Variants in XKR7 observed in about 807,000 individuals in gnomAD.
XKR7 encodes XK related 7.
XKR7 carries 11 observed loss-of-function variants against 42.2 expected under a neutral mutation model. The observed-to-expected ratio is 0.26, with a 90% CI of 0.16 to 0.43. The LOEUF is 0.43. Ranked by LOEUF, XKR7 falls within the 20% of genes least tolerant of loss-of-function variation. The pLI, the probability that XKR7 is intolerant of heterozygous loss-of-function variation, is 1.00. For missense variants in XKR7, 710 were observed against 802.2 expected, an observed-to-expected ratio of 0.89 and a Z score of 1.39; for synonymous variants, 346 against 366.4, an observed-to-expected ratio of 0.94 and a Z score of 0.64.
chr20:31,980,843 C>G (rs1202888419), intron 1 of XKR7, among the ~76,000 whole-genome samples: 7 of 151,704 alleles, frequency 4.6e-5, no homozygotes, highest in Non-Finnish European at 8.8e-5. Context: ...AGGAGAATTG[C>G]CTGAGCTCAG....
At chr20:31,988,285 C>T (rs1333104061) in intron 1 of XKR7, among the ~76,000 whole-genome samples, 1 of 152,142 alleles carries the variant, frequency 6.6e-6, no homozygotes, top group South Asian at 2.1e-4. Flanking sequence ...TAGAGAGCAG[C>T]CCCCAAACTC....
At position 31,996,875 on chromosome 20, in the gene XKR7, C is replaced by T. The variant is rs2064595156; in HGVS notation, c.1158C>T (p.Leu386=). The part of the protein sequence containing the change: ...KEGRSRRRMT[L]YHCIVLLENA... The stretch of plus-strand genomic sequence containing the variant: ...GCCGCAGCCGCCGCCGCATGACCCT[C>T]TACCACTGCATCGTCCTGCTGGAGA... Residue 386 remains leucine (L), a synonymous_variant, in exon 3 of 3, where the codon CTC becomes CTT. Transcript: ENST00000562532. 13 of 1,613,800 alleles carry T rather than the reference C, an allele frequency of 8.1e-6. No individual in the cohort carries two copies. Among genetic ancestry groups the T allele is most frequent in the Admixed American group, 1.7e-5 (1 of 60,014 alleles).
At chr20:31,989,278 C>G (rs1055195823) in intron 1 of XKR7, among the ~76,000 whole-genome samples, 9 of 117,942 alleles carry the variant, frequency 7.6e-5, no homozygotes, top group Non-Finnish European at 1.7e-4. Flanking sequence ...TTAGGACACC[C>G]CCCCCCCAGC....
intron 1 of XKR7, among the ~76,000 whole-genome samples, chr20:31,990,735 A>C (rs2064566740): frequency 6.6e-6 from 1 of 152,016 alleles, no homozygotes; most frequent in African/African-American, 2.4e-5. Flanking sequence ...TTAAACATTT[A>C]TTAATTTTGA....
chr20:31,976,605 G>A lies in XKR7; in HGVS notation c.584+7846G>A, dbSNP rs919123920. ...TCACCATATTGGCCAGACTGGTCTC[G>A]AACTTCTGACCTCAGGCGATCCACC... On this transcript the variant is annotated intron_variant, in intron 1 of 2. Transcript: ENST00000562532. Among the ~76,000 whole-genome samples, 14 of 152,142 alleles carry A rather than the reference G, an allele frequency of 9.2e-5. No homozygotes were observed. The East Asian group carries it at 2.5e-3, about 27-fold the overall frequency.
chr20:31,983,481 G>A (rs909353525), intron 1 of XKR7, among the ~76,000 whole-genome samples: 2 of 152,192 alleles, frequency 1.3e-5, no homozygotes, highest in Admixed American at 6.5e-5. Context: ...AGTTTGACAG[G>A]CGTTAGTGAG....
chr20:31,968,907 T>C lies in XKR7; in HGVS notation c.584+148T>C, dbSNP rs1345538337. 10 of 1,330,746 alleles carry C rather than the reference T, an allele frequency of 7.5e-6. No homozygotes were observed. Among genetic ancestry groups the C allele is most frequent in the South Asian group, 1.6e-5 (1 of 62,780 alleles). 82.4% of individuals were successfully genotyped at this position (1,330,746 alleles called of 1,614,324 possible). ...CCACCCCATTGCAGCTCTAATTTCT[T>C]CTCAGTCGGCTTCTCCCTGACCTCT... On this transcript the variant is annotated intron_variant, in intron 1 of 2. Coordinates refer to ENST00000562532, the MANE Select transcript of XKR7 (RefSeq NM_001011718.2). The surrounding 1 kb of genome is among the most constrained non-coding windows in gnomAD (Gnocchi z 4.5).
chr20:31,969,853 T>C (rs2064456318), intron 1 of XKR7, among the ~76,000 whole-genome samples: 1 of 152,134 alleles, frequency 6.6e-6, no homozygotes, highest in Admixed American at 6.5e-5. Flanking sequence ...ACTCTAGAGA[T>C]ATAAAGGGTG....
rs557363863 is a variant in XKR7 at position 31,998,183 on chromosome 20, G to T, written c.*726G>T. 6.6e-6 allele frequency: 1 copy of T among 152,084 alleles called. No individual in the cohort carries two copies. The highest frequency in any genetic ancestry group is 6.5e-5 in the Admixed American group (1 of 15,276). 9.4% of individuals were successfully genotyped at this position (152,084 alleles called of 1,614,324 possible). Reference sequence around the variant, plus strand: ...GCGAACAAGAATGAACTCCTTAGGAGACGTCTCTTGTTGTGTTGTGGGCTC... The same window carrying T: ...GCGAACAAGAATGAACTCCTTAGGATACGTCTCTTGTTGTGTTGTGGGCTC... On this transcript the variant is annotated 3_prime_UTR_variant, in exon 3 of 3. Coordinates refer to ENST00000562532, the MANE Select transcript of XKR7 (RefSeq NM_001011718.2).
intron 1 of XKR7, among the ~76,000 whole-genome samples, chr20:31,983,513 T>C (rs1408336026): frequency 6.6e-6 from 1 of 152,050 alleles, no homozygotes; most frequent in African/African-American, 2.4e-5. Flanking sequence ...GCAGAGGCCC[T>C]GGGGTTGGAG....
intron 1 of XKR7, among the ~76,000 whole-genome samples, chr20:31,994,098 C>T (rs114522251): frequency 6.6e-6 from 1 of 152,150 alleles, no homozygotes; most frequent in Non-Finnish European, 1.5e-5. Flanking sequence ...TCTGTGAGCA[C>T]CTTCCTTGCA....
In XKR7 at chr20:31,998,338, T is replaced by C. The variant is rs1342228628; in HGVS notation, c.*881T>C. 6.6e-6 allele frequency: 1 copy of C among 152,064 alleles called. No homozygotes were observed. 9.4% of individuals were successfully genotyped at this position (152,064 alleles called of 1,614,324 possible). A position where few individuals can be genotyped will look rare whatever the true frequency, so the allele number is the denominator to read the frequency against. Reference sequence around the variant, plus strand: ...ACAGCAGATAAGATGTCTGGAAAGATCTCTGGGCTCAAGTGCAGGTGAGGT... The same window carrying C: ...ACAGCAGATAAGATGTCTGGAAAGACCTCTGGGCTCAAGTGCAGGTGAGGT... On this transcript the variant is annotated 3_prime_UTR_variant, in exon 3 of 3. Transcript: ENST00000562532.
chr20:31,988,326 G>A (rs770441102), intron 1 of XKR7, among the ~76,000 whole-genome samples: 83 of 152,292 alleles, frequency 5.5e-4, no homozygotes, highest in Non-Finnish European at 7.9e-4. Flanking sequence ...GAAATTTCCC[G>A]TGAGGAGGGT....
chr20:31,971,909 C>T (rs1257097628), intron 1 of XKR7, among the ~76,000 whole-genome samples: 1 of 152,074 alleles, frequency 6.6e-6, no homozygotes, highest in East Asian at 1.9e-4. Context: ...ATCGTGGACC[C>T]AGTCTTGATT....
At chr20:31,982,162 G>C (rs185933285) in intron 1 of XKR7, among the ~76,000 whole-genome samples, 17 of 152,316 alleles carry the variant, frequency 1.1e-4, no homozygotes, top group African/African-American at 4.1e-4. Context: ...GGTTGGGTCT[G>C]TCTTGCACAC....
intron 1 of XKR7, among the ~76,000 whole-genome samples, chr20:31,986,617 T>A (rs1013250461): frequency 3.1e-5 from 2 of 64,898 alleles, no homozygotes; most frequent in African/African-American, 1.4e-4. Context: ...ACCAAACAGA[T>A]CCAACATCCA....
Position 31,995,011 on chromosome 20 carries a change from G to A in XKR7, c.585-57G>A. ...CGCCTGTGGGCGGCTCGGGGCTGGTGCGACAGAGCGAGAGGAACCAGCGCG... is the reference window on the plus strand; with the variant it reads ...CGCCTGTGGGCGGCTCGGGGCTGGTACGACAGAGCGAGAGGAACCAGCGCG... On this transcript the variant is annotated intron_variant, in intron 1 of 2. Coordinates refer to ENST00000562532, the MANE Select transcript of XKR7 (RefSeq NM_001011718.2). The surrounding 1 kb of genome is among the most constrained non-coding windows in gnomAD (Gnocchi z 4.1). The A allele has an allele frequency of 6.5e-7, 1 of 1,534,734 alleles. No individual in the cohort carries two copies. Among genetic ancestry groups the A allele is most frequent in the Non-Finnish European group, 8.7e-7 (1 of 1,144,534 alleles).
intron 1 of XKR7, among the ~76,000 whole-genome samples, chr20:31,993,355 C>T (rs190036309): frequency 6.6e-6 from 1 of 152,248 alleles, no homozygotes; most frequent in East Asian, 1.9e-4. Context: ...TCCCCTCTCA[C>T]CCTACATGGG....
intron 1 of XKR7, among the ~76,000 whole-genome samples, chr20:31,976,338 G>A (rs2064484692): frequency 6.6e-6 from 1 of 152,032 alleles, no homozygotes. Flanking sequence ...AATCAATCAT[G>A]TATTGTTTAG....
Sources: allele counts gnomAD v4.1 joint callset (sites outside exome capture counted in the v4.1 genomes callset), GRCh38; gene constraint gnomAD v4.1.1; non-coding constraint Gnocchi (gnomAD v3.1); transcripts MANE v1.5; gene names NCBI Gene and HGNC (gene_info 2026-07-23, HGNC 2026-07-21).